Variants in GRID1 observed in about 807,000 individuals in gnomAD.
The protein encoded by GRID1 is glutamate receptor ionotropic, delta-1.
GRID1 carries 28 observed loss-of-function variants against 98.0 expected under a neutral mutation model. That is an observed-to-expected ratio of 0.29 (90% CI 0.21 to 0.39). The LOEUF is 0.39. Ranked by LOEUF, GRID1 falls within the 10% of genes least tolerant of loss-of-function variation. The pLI, the probability that GRID1 is intolerant of heterozygous loss-of-function variation, is 1.00. For missense variants in GRID1, 1,111 were observed against 1,340.5 expected, an observed-to-expected ratio of 0.83 and a Z score of 2.67; for synonymous variants, 553 against 538.5, an observed-to-expected ratio of 1.03 and a Z score of -0.37.
chr10:86,245,306 A>G (rs1846706097), intron 2 of GRID1, among the ~76,000 whole-genome samples: 1 of 152,210 alleles, frequency 6.6e-6, no homozygotes, highest in South Asian at 2.1e-4. Context: ...TGGGGAAGTT[A>G]GGAAACTGCC....
chr10:86,222,087 G>A (rs1349413566), intron 2 of GRID1, among the ~76,000 whole-genome samples: 2 of 152,186 alleles, frequency 1.3e-5, no homozygotes, highest in African/African-American at 2.4e-5. Flanking sequence ...CAGGACTAGG[G>A]AAGGGCACCT....
At chr10:86,340,154 G>A (rs768779166) in intron 2 of GRID1, among the ~76,000 whole-genome samples, 25 of 152,044 alleles carry the variant, frequency 1.6e-4, no homozygotes, top group Non-Finnish European at 1.9e-4. Context: ...GCCAAGCAGC[G>A]GAATGGAAAG....
intron 4 of GRID1, among the ~76,000 whole-genome samples, chr10:86,091,148 G>C (rs994300862): frequency 1.3e-5 from 2 of 152,134 alleles, no homozygotes; most frequent in African/African-American, 4.8e-5. Flanking sequence ...CCAGAACTTG[G>C]GGAAGGGCAC....
chr10:86,333,464 C>G (rs1251223557), intron 2 of GRID1, among the ~76,000 whole-genome samples: 1 of 152,234 alleles, frequency 6.6e-6, no homozygotes, highest in African/African-American at 2.4e-5. Flanking sequence ...CTGGAATCCC[C>G]TGCATTTAGC....
chr10:85,599,802 A>AAAAAAAAAAAAAAAAAATATAT lies in GRID1; in HGVS notation c.*2470_*2471insATATATTTTTTTTTTTTTTTTT. ...GTAGAAAATTCTAAAAAAAAAAAAA[A>AAAAAAAAAAAAAAAAAATATAT]ATATATATATATATATATAAACATG... On this transcript the variant is annotated 3_prime_UTR_variant, in exon 16 of 16. Coordinates refer to ENST00000327946, the MANE Select transcript of GRID1 (RefSeq NM_017551.3). The AAAAAAAAAAAAAAAAAATATAT allele has an allele frequency of 1.5e-5, 1 of 64,998 alleles. No individual in the cohort carries two copies. Among genetic ancestry groups the AAAAAAAAAAAAAAAAAATATAT allele is most frequent in the African/African-American group, 9.3e-5 (1 of 10,728 alleles). 4.0% of individuals were successfully genotyped at this position (64,998 alleles called of 1,614,324 possible). A position where few individuals can be genotyped will look rare whatever the true frequency, so the allele number is the denominator to read the frequency against.
intron 8 of GRID1, among the ~76,000 whole-genome samples, chr10:85,774,155 C>T (rs1402077398): frequency 6.6e-6 from 1 of 152,148 alleles, no homozygotes; most frequent in Non-Finnish European, 1.5e-5. Flanking sequence ...GAACAGAGCC[C>T]TCAGAAATAA....
intron 2 of GRID1, among the ~76,000 whole-genome samples, chr10:86,258,114 C>CA (rs1236156070): frequency 6.6e-6 from 1 of 152,124 alleles, no homozygotes; most frequent in African/African-American, 2.4e-5. Flanking sequence ...ACTCAAAGTG[C>CA]AGTAAATAGG....
chr10:85,812,516 T>C (rs539692867), intron 8 of GRID1, among the ~76,000 whole-genome samples: 14 of 152,260 alleles, frequency 9.2e-5, no homozygotes, highest in African/African-American at 3.4e-4. Flanking sequence ...ATTAGCATTT[T>C]ATTATTTTTT....
At chr10:85,929,920 C>T (rs1841825895) in intron 4 of GRID1, among the ~76,000 whole-genome samples, 1 of 152,170 alleles carries the variant, frequency 6.6e-6, no homozygotes, top group Non-Finnish European at 1.5e-5. Context: ...GGACTTAGGT[C>T]TCTTAATCCT....
intron 4 of GRID1, among the ~76,000 whole-genome samples, chr10:86,011,496 G>T (rs753941805): frequency 1.3e-5 from 2 of 152,110 alleles, no homozygotes; most frequent in Non-Finnish European, 2.9e-5. Context: ...TAATGACAAT[G>T]GCATGGATTA....
At chr10:85,888,795 T>C (rs1186274367) in intron 5 of GRID1, among the ~76,000 whole-genome samples, 1 of 152,188 alleles carries the variant, frequency 6.6e-6, no homozygotes, top group East Asian at 1.9e-4. Context: ...TCTCTCTTTT[T>C]CTTTTCCCTC....
At chr10:85,744,001 A>C (rs975761495) in intron 8 of GRID1, among the ~76,000 whole-genome samples, 9 of 152,158 alleles carry the variant, frequency 5.9e-5, no homozygotes, top group African/African-American at 2.2e-4. Context: ...TCAAAAATAA[A>C]ATATTTTTTA....
At chr10:85,626,728 A>G (rs950014567) in intron 13 of GRID1, among the ~76,000 whole-genome samples, 2 of 152,214 alleles carry the variant, frequency 1.3e-5, no homozygotes, top group Non-Finnish European at 2.9e-5. Context: ...TACCACATGC[A>G]GCCTGAACCC....
chr10:86,191,012 C>A (rs1845794938), intron 3 of GRID1, among the ~76,000 whole-genome samples: 1 of 152,216 alleles, frequency 6.6e-6, no homozygotes, highest in Admixed American at 6.5e-5. Context: ...AGAAAGAGAG[C>A]TCCAGATCTC....
chr10:86,085,755 G>T (rs1844044489), intron 4 of GRID1, among the ~76,000 whole-genome samples: 1 of 152,012 alleles, frequency 6.6e-6, no homozygotes, highest in Non-Finnish European at 1.5e-5. Flanking sequence ...TTGCAGGCAG[G>T]GGACATCAGT....
At chr10:86,033,776 C>A (rs533627244) in intron 4 of GRID1, among the ~76,000 whole-genome samples, 195 of 152,346 alleles carry the variant, frequency 1.3e-3, no homozygotes, top group African/African-American at 4.5e-3. Context: ...GGGGTCCTAA[C>A]AAGATGGAAA....
intron 4 of GRID1, among the ~76,000 whole-genome samples, chr10:86,019,145 C>A (rs1251175951): frequency 6.6e-6 from 1 of 152,226 alleles, no homozygotes; most frequent in Admixed American, 6.5e-5. Context: ...GCAGCTTGAA[C>A]TAGAGGCCTA....
chr10:85,807,368 A>G (rs1213178344), intron 8 of GRID1, among the ~76,000 whole-genome samples: 1 of 151,324 alleles, frequency 6.6e-6, no homozygotes, highest in Non-Finnish European at 1.5e-5. Context: ...AAAAAAAAAA[A>G]GGAAAGAAAA....
At chr10:85,711,818 A>G (rs2132636889) in intron 12 of GRID1, among the ~76,000 whole-genome samples, 1 of 151,900 alleles carries the variant, frequency 6.6e-6, no homozygotes, top group South Asian at 2.1e-4. Flanking sequence ...CTCCTAAAAA[A>G]GAGCACATCA....
Sources: gnomAD v4.1 joint callset for allele counts (sites outside exome capture counted in the v4.1 genomes callset) on GRCh38, gnomAD v4.1.1 for gene constraint, MANE v1.5 for transcripts, NCBI Gene and HGNC (gene_info 2026-07-23, HGNC 2026-07-21) for gene names.